Variants in SEL1L observed in about 807,000 individuals in gnomAD.
The protein encoded by SEL1L is protein sel-1 homolog 1.
Under a neutral mutation model 109.8 loss-of-function variants are expected in SEL1L, and 52 were observed. The ratio of observed to expected loss-of-function variants is 0.47; its 90% confidence interval spans 0.38 to 0.60. The LOEUF (loss-of-function observed/expected upper bound fraction) is 0.60. Ranked by LOEUF, SEL1L falls within the 20% of genes least tolerant of loss-of-function variation. The pLI, the probability that SEL1L is intolerant of heterozygous loss-of-function variation, is 0.00. For missense variants in SEL1L, 749 were observed against 962.2 expected, an observed-to-expected ratio of 0.78 and a Z score of 2.93; for synonymous variants, 373 against 339.6, an observed-to-expected ratio of 1.10 and a Z score of -1.08.
rs191205967 is a variant in SEL1L at position 81,509,245 on chromosome 14, T to C, written c.341-3004A>G. On this transcript the variant is annotated intron_variant, in intron 3 of 20. Transcript: ENST00000336735. The stretch of plus-strand genomic sequence containing the variant: ...TTAATTTCAGTTAATTTTCTTTCTA[T>C]GGAGAAATCCTGCAATAATTTCAAA... 2.2e-3 allele frequency among the ~76,000 whole-genome samples: 329 copies of C among 152,348 alleles called. 2 individuals carry two copies. In the Middle Eastern group the frequency reaches 0.037, roughly 17 times the overall value.
chr14:81,520,227 A>G (rs1384342417), intron 3 of SEL1L, among the ~76,000 whole-genome samples: 3 of 152,210 alleles, frequency 2.0e-5, no homozygotes, highest in African/African-American at 7.2e-5. Context: ...TAAATTAAAA[A>G]CAAATCTAAA....
intron 19 of SEL1L, among the ~76,000 whole-genome samples, chr14:81,480,852 G>A (rs956579989): frequency 5.3e-5 from 8 of 152,246 alleles, no homozygotes; most frequent in African/African-American, 1.4e-4. Context: ...GCACAGCAAC[G>A]TTTCTCTGCT....
chr14:81,516,443 TTATTAGGGAGCGATA>T, intron 3 of SEL1L, among the ~76,000 whole-genome samples: 1 of 152,300 alleles, frequency 6.6e-6, no homozygotes, highest in Admixed American at 6.5e-5. Context: ...CCCAGGACCC[TTATTAGGGAGCGATA>T]TATTAGCCAA....
intron 3 of SEL1L, among the ~76,000 whole-genome samples, chr14:81,526,004 T>A (rs573678846): frequency 3.4e-4 from 52 of 152,116 alleles, no homozygotes; most frequent in South Asian, 1.2e-3. Flanking sequence ...GAATGGTATA[T>A]TTGTAGTAAA....
chr14:81,533,679 G>A lies in SEL1L; in HGVS notation c.66C>T (p.Ser22=). ...CAVLLSLASA[S]SDEEGSQDES... is the part of the protein sequence containing the mutation. ...CCCGAGGGGGCGGATACTGACCCGA[G>A]GACGCCGAGGCCAAGCTCAGCAGCA... is the stretch of plus-strand genomic sequence containing the variant. Residue 22 remains serine (S), a synonymous_variant, in exon 1 of 21, where the codon TCC becomes TCT. Coordinates refer to ENST00000336735, the MANE Select transcript of SEL1L (RefSeq NM_005065.6). 2 of 1,612,996 alleles carry A rather than the reference G, an allele frequency of 1.2e-6. No individual in the cohort carries two copies. Among genetic ancestry groups the A allele is most frequent in the Non-Finnish European group, 1.7e-6 (2 of 1,179,766 alleles).
rs1470658921 is a variant in SEL1L, at chr14:81,476,087, T to C, written c.*885A>G. On this transcript the variant is annotated 3_prime_UTR_variant, in exon 21 of 21. Coordinates refer to ENST00000336735, the MANE Select transcript of SEL1L (RefSeq NM_005065.6). ...ATGCTTCAACTTTAGGAAAAGTATG[T>C]CTGTGTCTGTGATCGTAGTACCCCA... The C allele has an allele frequency of 1.3e-5, 2 of 152,244 alleles. No individual in the cohort carries two copies. Among genetic ancestry groups the C allele is most frequent in the Non-Finnish European group, 2.9e-5 (2 of 68,044 alleles). The allele number at this position is 152,244 out of a possible 1,614,324, so 9.4% of individuals were successfully genotyped here.
rs1903449998 is a variant in SEL1L at position 81,484,246 on chromosome 14, C to T, written c.2025G>A (p.Glu675=). ...QAMFNLGYMH[E]KGLGIKQDIH... is the part of the protein sequence containing the mutation. The stretch of plus-strand genomic sequence containing the variant: ...TCACCTGTTTAATGCCCAGTCCTTT[C>T]TCATGCATATATCCCAGATTAAACA... Residue 675 remains glutamate, a synonymous_variant, in exon 19 of 21, where the codon GAG becomes GAA. Transcript: ENST00000336735. 6.2e-7 allele frequency: 1 copy of T among 1,612,782 alleles called. No homozygotes were observed. The highest frequency in any genetic ancestry group is 8.5e-7 in the Non-Finnish European group (1 of 1,179,068).
intron 18 of SEL1L, 49 bp from the exon 19 acceptor site, chr14:81,484,446 A>G (rs1903457583): frequency 6.6e-7 from 1 of 1,509,716 alleles, no homozygotes; most frequent in Non-Finnish European, 9.0e-7. Context: ...AGTATGTTTA[A>G]AACAGATCAA....
At position 81,525,810 on chromosome 14, in the gene SEL1L, T is replaced by C. The variant is rs557910911; in HGVS notation, c.340+923A>G. 2.6e-5 allele frequency among the ~76,000 whole-genome samples: 4 copies of C among 152,258 alleles called. No individual in the cohort carries two copies. In the East Asian group the frequency reaches 7.7e-4, roughly 29 times the overall value. On this transcript the variant is annotated intron_variant, in intron 3 of 20. Coordinates refer to ENST00000336735, the MANE Select transcript of SEL1L (RefSeq NM_005065.6). ...ACATGGAAAAACATTCATGGTAAAC[T>C]GTTAAGTGCAAAATGCAGGCTGCAA...
intron 1 of SEL1L, 123 bp from the exon 2 acceptor site, chr14:81,527,861 T>C: frequency 4.8e-6 from 3 of 620,950 alleles, no homozygotes; most frequent in Non-Finnish European, 8.0e-6. Flanking sequence ...AACATAGAAT[T>C]ATTTTAAAGT....
chr14:81,479,948 A>AC (rs1903295043), intron 19 of SEL1L, among the ~76,000 whole-genome samples: 1 of 152,120 alleles, frequency 6.6e-6, no homozygotes. Context: ...TAAAAAACTC[A>AC]TTTTCCCCCA....
chr14:81,513,402 G>A (rs558102422), intron 3 of SEL1L, among the ~76,000 whole-genome samples: 1 of 152,072 alleles, frequency 6.6e-6, no homozygotes, highest in Non-Finnish European at 1.5e-5. Flanking sequence ...GAAGGTCTGC[G>A]GCTTCACTCC....
intron 11 of SEL1L, 111 bp from the exon 12 acceptor site, chr14:81,492,659 G>A (rs1883592277): frequency 2.9e-6 from 2 of 701,052 alleles, no homozygotes; most frequent in African/African-American, 1.8e-5. Flanking sequence ...ATATTACAGT[G>A]CTTTAAAAAC....
intron 19 of SEL1L, among the ~76,000 whole-genome samples, chr14:81,480,517 A>T (rs1903320007): frequency 6.6e-6 from 1 of 152,144 alleles, no homozygotes; most frequent in Non-Finnish European, 1.5e-5. Flanking sequence ...TGAGGCCAGG[A>T]GTTCAAGACC....
At chr14:81,523,043 T>A (rs548140736) in intron 3 of SEL1L, among the ~76,000 whole-genome samples, 3 of 152,328 alleles carry the variant, frequency 2.0e-5, no homozygotes, top group African/African-American at 7.2e-5. Flanking sequence ...AAAAAATATT[T>A]GATCTTCATC....
At chr14:81,485,455 T>G (rs1903490827) in intron 18 of SEL1L, among the ~76,000 whole-genome samples, 1 of 151,722 alleles carries the variant, frequency 6.6e-6, no homozygotes, top group Non-Finnish European at 1.5e-5. Flanking sequence ...TTTTTTGTTT[T>G]TTTTTTTTTT....
intron 6 of SEL1L, among the ~76,000 whole-genome samples, chr14:81,500,696 C>T (rs1430168038): frequency 1.3e-5 from 2 of 152,018 alleles, no homozygotes; most frequent in Non-Finnish European, 1.5e-5. Context: ...TCTATATATG[C>T]AGAAAGGAAT....
chr14:81,525,455 G>GA (rs1885076269), intron 3 of SEL1L, among the ~76,000 whole-genome samples: 1 of 147,270 alleles, frequency 6.8e-6, no homozygotes, highest in South Asian at 2.1e-4. Flanking sequence ...ATTAAAAAAT[G>GA]AAGAATGAAT....
At chr14:81,532,912 T>C (rs1460990973) in intron 1 of SEL1L, among the ~76,000 whole-genome samples, 1 of 151,980 alleles carries the variant, frequency 6.6e-6, no homozygotes, top group Non-Finnish European at 1.5e-5. Context: ...AAAATGGAAA[T>C]TTTCAAATGT....
Sources: gnomAD v4.1 joint callset for allele counts (sites outside exome capture counted in the v4.1 genomes callset) on GRCh38, gnomAD v4.1.1 for gene constraint, MANE v1.5 for transcripts, NCBI Gene and HGNC (gene_info 2026-07-23, HGNC 2026-07-21) for gene names.